The following DNAH2 variants were observed in gnomAD, a reference collection of about 807,000 sequenced individuals.
DNAH2 encodes dynein axonemal heavy chain 2.
DNAH2 carries 323 observed loss-of-function variants against 523.5 expected under a neutral mutation model. The ratio of observed to expected loss-of-function variants is 0.62; its 90% CI spans 0.56 to 0.68. The LOEUF (loss-of-function observed/expected upper bound fraction) is 0.68. Ranked by LOEUF, DNAH2 falls within the 30% of genes least tolerant of loss-of-function variation. The pLI is 0.00. For missense variants in DNAH2, 4,907 were observed against 5,701.5 expected, an observed-to-expected ratio of 0.86 and a Z score of 4.49; for synonymous variants, 2,093 against 2,177.4, an observed-to-expected ratio of 0.96 and a Z score of 1.08.
At chr17:7,809,139 A>G (rs1212434936) in intron 63 of DNAH2, among the ~76,000 whole-genome samples, 1 of 152,178 alleles carries the variant, frequency 6.6e-6, no homozygotes, top group Non-Finnish European at 1.5e-5. Flanking sequence ...TAAAATATTT[A>G]TATAATTGAA....
Position 7,812,310 on chromosome 17 carries a change from A to G in DNAH2, c.9730-4261A>G, listed in dbSNP as rs1285740602. ...TAAAATACATATAAAATATATCATT[A>G]TAACCATTTTGAAGTGCACCATTCA... On this transcript the variant is annotated intron_variant, in intron 63 of 85. Transcript: ENST00000572933. Among the ~76,000 whole-genome samples the G allele has an allele frequency of 3.3e-5, 5 of 152,206 alleles. No individual in the cohort carries two copies. The East Asian group carries it at 9.6e-4, about 29-fold the overall frequency.
At position 7,804,597 on chromosome 17, in the gene DNAH2, G is replaced by T. The variant is rs577745244; in HGVS notation, c.9183+131G>T. On this transcript the variant is annotated intron_variant, in intron 59 of 85. Transcript: ENST00000572933. ...GCAGTGGCTCACGCCTGTAATCCCAGCACTTTGGGAGGCTGAGGCAGGAGG... is the reference window on the plus strand; with the variant it reads ...GCAGTGGCTCACGCCTGTAATCCCATCACTTTGGGAGGCTGAGGCAGGAGG... 16 of 1,083,688 alleles carry T rather than the reference G, an allele frequency of 1.5e-5. 1 individual carries two copies. In the South Asian group the frequency reaches 2.5e-4, roughly 17 times the overall value. The allele number at this position is 1,083,688 out of a possible 1,614,324, so 67.1% of individuals were successfully genotyped here. A position where few individuals can be genotyped will look rare whatever the true frequency, so the allele number is the denominator to read the frequency against.
chr17:7,762,428 C>T (rs745981879), intron 18 of DNAH2, among the ~76,000 whole-genome samples: 24 of 151,448 alleles, frequency 1.6e-4, no homozygotes, highest in Non-Finnish European at 3.4e-4. Context: ...CTCCGCCTCC[C>T]GGATTCATGC....
rs370249120 is a variant in DNAH2 at position 7,757,226 on chromosome 17, A to G, written c.2040A>G (p.Arg680=). Residue 680 remains arginine, a synonymous_variant, in exon 13 of 86, where the codon AGA becomes AGG. Transcript: ENST00000572933. ...GTGAAAATCTGCTACTCGTTGCTAG[A>G]GACTACAATAGGTAGGGCTTCAGTC... is the stretch of plus-strand genomic sequence containing the variant. ...ILRENLLLVA[R]DYNRIIAMLS... 1.2e-6 allele frequency: 2 copies of G among 1,614,060 alleles called. No homozygotes were observed. The highest frequency in any genetic ancestry group is 2.7e-5 in the African/African-American group (2 of 74,934).
intron 18 of DNAH2, among the ~76,000 whole-genome samples, chr17:7,763,219 C>T (rs982647656): frequency 5.3e-5 from 8 of 152,150 alleles, no homozygotes; most frequent in African/African-American, 7.2e-5. Flanking sequence ...AGTGCAGTGG[C>T]GCGATCTCGG....
intron 39 of DNAH2, among the ~76,000 whole-genome samples, chr17:7,784,344 A>C (rs1293153762): frequency 2.0e-5 from 3 of 152,226 alleles, no homozygotes; most frequent in African/African-American, 7.2e-5. Context: ...CACAATCAAC[A>C]ATCATGATTT....
Position 7,739,944 on chromosome 17 carries a change from G to A in DNAH2, c.1376+6G>A, listed in dbSNP as rs758630740. 1.9e-6 allele frequency: 3 copies of A among 1,613,480 alleles called. No homozygotes were observed. The highest frequency in any genetic ancestry group is 1.1e-5 in the South Asian group (1 of 91,050). On this transcript the variant is annotated splice_donor_region_variant and intron_variant, in intron 9 of 85. Coordinates refer to ENST00000572933, the MANE Select transcript of DNAH2 (RefSeq NM_020877.5). ...TGGCATGAAGACTACAATAAGTGAG[G>A]GAACCACAGGCTGATGCCAGGCGTG...
At chr17:7,761,976 G>A (rs2076018569) in intron 18 of DNAH2, among the ~76,000 whole-genome samples, 1 of 152,112 alleles carries the variant, frequency 6.6e-6, no homozygotes, top group African/African-American at 2.4e-5. Context: ...GAAGATAAAA[G>A]TATCGCTGAA....
Position 7,818,706 on chromosome 17 carries a change from A to G in DNAH2, c.10600A>G (p.Lys3534Glu). 2 of 1,614,064 alleles carry G rather than the reference A, an allele frequency of 1.2e-6. No individual in the cohort carries two copies. The highest frequency in any genetic ancestry group is 1.7e-6 in the Non-Finnish European group (2 of 1,179,988). The stretch of plus-strand genomic sequence containing the variant: ...GGAGCGGCCTGAGCTGGAGGAGCAG[A>G]AGGACTCACTGGTCATCAACATCGC... ...RKERPELEEQ[K>E]DSLVINIAAG... is the part of the protein sequence containing the mutation. Residue 3534 changes from lysine (K) to glutamate (E), a missense_variant, in exon 70 of 86, where the codon AAG becomes GAG. Lys to Glu is a moderately conservative substitution (Grantham distance 56, BLOSUM62 1). This residue lies in a region of DNAH2 where 1,851 missense variants were observed against 2,139.4 expected (regional missense o/e 0.87). Coordinates refer to ENST00000572933, the MANE Select transcript of DNAH2 (RefSeq NM_020877.5).
chr17:7,817,350 T>TA lies in DNAH2; in HGVS notation c.9955_9956insA (p.Ser3319TyrfsTer13). The TA allele has an allele frequency of 1.2e-6, 2 of 1,611,278 alleles. No individual in the cohort carries two copies. The highest frequency in any genetic ancestry group is 1.7e-6 in the Non-Finnish European group (2 of 1,179,258). On this transcript the variant is annotated frameshift_variant, in exon 65 of 86. Transcript: ENST00000572933. LOFTEE classifies it high-confidence loss of function. ...CTGTCTCCTGGCAGCTGCCTTCCTG[T>TA]CCTACATGGGACCCTTCCTGACCAA...
chr17:7,770,377 C>T lies in DNAH2; in HGVS notation c.4067C>T (p.Ala1356Val). 6.2e-7 allele frequency: 1 copy of T among 1,613,718 alleles called. No homozygotes were observed. The highest frequency in any genetic ancestry group is 8.5e-7 in the Non-Finnish European group (1 of 1,179,806). Residue 1356 changes from alanine to valine, a missense_variant, in exon 25 of 86, where the codon GCT becomes GTT. Around this residue, in one of 3 missense-constraint regions of DNAH2, gnomAD observed 2,806 missense variants for 3,190.8 expected, o/e 0.88. Coordinates refer to ENST00000572933, the MANE Select transcript of DNAH2 (RefSeq NM_020877.5). ...GTGGAGAAAATTGGGGAGATCTCTG[C>T]TTCAGCAACTAAAGAGCTGGCTATA... ...QHVEKIGEIS[A>V]SATKELAIEV...
chr17:7,808,642 T>C (rs16956963), intron 63 of DNAH2, among the ~76,000 whole-genome samples: 9,481 of 151,684 alleles, frequency 0.063, 411 homozygotes, highest in African/African-American at 0.11. Flanking sequence ...CAGCCGATAT[T>C]ACTGTCACCC....
intron 1 of DNAH2, 58 bp from the exon 2 acceptor site, chr17:7,719,663 G>C: frequency 6.3e-7 from 1 of 1,596,908 alleles, no homozygotes; most frequent in Non-Finnish European, 8.6e-7. Context: ...GCTTGTATCA[G>C]GGGGCTGGTT....
intron 4 of DNAH2, 33 bp downstream of exon 4, chr17:7,727,325 T>C (rs752088718): frequency 2.5e-6 from 4 of 1,577,444 alleles, no homozygotes; most frequent in Non-Finnish European, 3.4e-6. Context: ...TCAAAGGTGG[T>C]CCTACAGAGA....
At chr17:7,825,039 T>C (rs2077981114) in intron 77 of DNAH2, among the ~76,000 whole-genome samples, 1 of 152,206 alleles carries the variant, frequency 6.6e-6, no homozygotes, top group African/African-American at 2.4e-5. Context: ...GGAAATGAGA[T>C]ACAGAAAGAG....
In DNAH2 at chr17:7,818,300, C is replaced by T; in HGVS notation, c.10388-12C>T. On this transcript the variant is annotated splice_polypyrimidine_tract_variant and intron_variant, in intron 68 of 85. Transcript: ENST00000572933. Reference sequence around the variant, plus strand: ...CATGGAGTCCTTGCCCCTGACCCTTCCGTGGATGCAGGTGGTCGGCTGTTG... The same window carrying T: ...CATGGAGTCCTTGCCCCTGACCCTTTCGTGGATGCAGGTGGTCGGCTGTTG... The T allele has an allele frequency of 6.2e-7, 1 of 1,613,686 alleles. No individual in the cohort carries two copies. The highest frequency in any genetic ancestry group is 1.1e-5 in the South Asian group (1 of 91,022).
At position 7,830,408 on chromosome 17, in the gene DNAH2, T is replaced by C. The variant is rs1202317706; in HGVS notation, c.11962T>C (p.Phe3988Leu). The change falls in exon 78 of 86, where the codon TTC becomes CTC. Residue 3988 changes from phenylalanine (F) to leucine (L), a missense_variant. Coordinates refer to ENST00000572933, the MANE Select transcript of DNAH2 (RefSeq NM_020877.5). ...GAAGCTGCTGTTTTCACTCTGTTTC[T>C]TCCACTCTGTGTTACTTGAACGCAA... ...YKKLLFSLCF[F>L]HSVLLERKKF... 4.3e-6 allele frequency: 7 copies of C among 1,614,262 alleles called. No homozygotes were observed. The highest frequency in any genetic ancestry group is 1.3e-5 in the African/African-American group (1 of 75,072).
At chr17:7,742,112 G>A (rs1832124867) in intron 11 of DNAH2, among the ~76,000 whole-genome samples, 1 of 151,830 alleles carries the variant, frequency 6.6e-6, no homozygotes, top group African/African-American at 2.4e-5. Flanking sequence ...ACAGCACAAA[G>A]AAACAACAGA....
chr17:7,788,051 G>A (rs762944628), intron 43 of DNAH2, 35 bp from the exon 44 acceptor site: 2 of 1,613,750 alleles, frequency 1.2e-6, no homozygotes, highest in South Asian at 1.1e-5. Context: ...CAGGACACAA[G>A]GGTGAATGAA....
Sources: gnomAD v4.1 joint callset for allele counts (sites outside exome capture counted in the v4.1 genomes callset) on GRCh38, gnomAD v4.1.1 for gene constraint, gnomAD v4.1.1 regional missense constraint, MANE v1.5 for transcripts, NCBI Gene and HGNC (gene_info 2026-07-23, HGNC 2026-07-21) for gene names.